Variants in SLC25A27 observed in about 807,000 individuals in gnomAD.
SLC25A27 encodes solute carrier family 25 member 27, also known as mitochondrial uncoupling protein 4.
Under a neutral mutation model 49.1 loss-of-function variants are expected in SLC25A27, and 35 were observed. That is an observed-to-expected ratio of 0.71 (90% CI 0.54 to 0.95). The LOEUF (loss-of-function observed/expected upper bound fraction) is 0.95, where lower values mean the gene tolerates loss of function less well. SLC25A27 is among the 40% of genes least tolerant of loss of function. The probability of loss-of-function intolerance (pLI) is 0.00; values close to 1 mark genes in which losing one functional copy is unlikely to be tolerated. For synonymous variants in SLC25A27, 144 were observed against 136.9 expected (o/e 1.05, Z -0.36); for missense variants, 339 against 397.1 (o/e 0.85, Z 1.24).
In SLC25A27 at chr6:46,676,571, A is replaced by T; in HGVS notation, c.*117A>T. 6.3e-7 allele frequency: 1 copy of T among 1,585,930 alleles called. No individual in the cohort carries two copies. The highest frequency in any genetic ancestry group is 8.6e-7 in the Non-Finnish European group (1 of 1,164,574). On this transcript the variant is annotated 3_prime_UTR_variant, in exon 9 of 9. Coordinates refer to ENST00000371347, the MANE Select transcript of SLC25A27 (RefSeq NM_004277.5). ...TTAGGAAGACACCTATTCCACAGAG[A>T]CTGATTTATAGGGGGCAGCACTTTA...
At chr6:46,653,397 GAGGTCGCCCCTTCC>G (rs1180982789) in intron 1 of SLC25A27, 99 bp downstream of exon 1, 1 of 1,456,660 alleles carries the variant, frequency 6.9e-7, no homozygotes, top group Non-Finnish European at 9.0e-7. Context: ...GCGCATCGGA[GAGGTCGCCCCTTCC>G]ATGCCCGCCT....
At position 46,676,235 on chromosome 6, in the gene SLC25A27, G is replaced by C. The variant is rs142422144; in HGVS notation, c.901-148G>C. Reference sequence around the variant, plus strand: ...TAAAAAATGCTTTGTAAATTATAAAGTCCTTTACAAAGGTGAAATACCAAA... The same window carrying C: ...TAAAAAATGCTTTGTAAATTATAAACTCCTTTACAAAGGTGAAATACCAAA... On this transcript the variant is annotated intron_variant, in intron 8 of 8. Coordinates refer to ENST00000371347, the MANE Select transcript of SLC25A27 (RefSeq NM_004277.5). 98 of 608,326 alleles carry C rather than the reference G, an allele frequency of 1.6e-4. No homozygotes were observed. In the East Asian group the frequency reaches 1.7e-3, roughly 10 times the overall value. The allele number at this position is 608,326 out of a possible 1,614,324, so 37.7% of individuals were successfully genotyped here.
chr6:46,668,753 ACAC>A lies in SLC25A27; in HGVS notation c.668_670del (p.Pro223del). On this transcript the variant is annotated inframe_deletion, in exon 6 of 9. Transcript: ENST00000371347. Reference sequence around the variant, plus strand: ...AGTGAAACACTACTTGGTATTGAATACACCACTTGAGGACAATATCATGACTCA... The same window carrying A: ...AGTGAAACACTACTTGGTATTGAATACACTTGAGGACAATATCATGACTCA... The A allele has an allele frequency of 6.2e-7, 1 of 1,610,544 alleles. No homozygotes were observed. The highest frequency in any genetic ancestry group is 8.5e-7 in the Non-Finnish European group (1 of 1,176,848).
rs1298047794 is a variant in SLC25A27, at chr6:46,669,905, TAGA to T, written c.705-225_705-223del. Reference sequence around the variant, plus strand: ...GGTCTTACCTGTCTTGTTCACTGCCTAGAAGAATGCTTGACACCAGCAGGTGCA... The same window carrying T: ...GGTCTTACCTGTCTTGTTCACTGCCTAGAATGCTTGACACCAGCAGGTGCA... On this transcript the variant is annotated intron_variant, in intron 6 of 8. Transcript: ENST00000371347. Among the ~76,000 whole-genome samples the T allele has an allele frequency of 1.3e-5, 2 of 152,216 alleles. 1 individual carries two copies. Among genetic ancestry groups the T allele is most frequent in the Non-Finnish European group, 2.9e-5 (2 of 68,018 alleles).
chr6:46,653,891 A>G (rs1762867491), intron 1 of SLC25A27: 2 of 973,100 alleles, frequency 2.1e-6, no homozygotes, highest in Non-Finnish European at 1.2e-6. Flanking sequence ...TATAATTCCT[A>G]CAATACCAGG....
intron 2 of SLC25A27, 51 bp from the exon 3 acceptor site, chr6:46,658,911 A>G (rs1351783132): frequency 3.4e-6 from 4 of 1,174,136 alleles, no homozygotes; most frequent in Non-Finnish European, 5.1e-6. Context: ...ATACATAAGC[A>G]TATAGATACA....
intron 3 of SLC25A27, among the ~76,000 whole-genome samples, chr6:46,661,966 T>C (rs1333928767): frequency 6.6e-6 from 1 of 152,186 alleles, no homozygotes; most frequent in African/African-American, 2.4e-5. Context: ...TAAAAGGAAA[T>C]AAAATGCTTA....
At chr6:46,662,260 T>G in intron 3 of SLC25A27, 116 bp from the exon 4 acceptor site, 1 of 868,016 alleles carries the variant, frequency 1.2e-6, no homozygotes, top group Non-Finnish European at 1.8e-6. Flanking sequence ...GGGTATATCC[T>G]TTTCTTTACT....
At chr6:46,655,096 G>C (rs1006754546) in intron 1 of SLC25A27, among the ~76,000 whole-genome samples, 6 of 152,136 alleles carry the variant, frequency 3.9e-5, no homozygotes, top group Non-Finnish European at 7.4e-5. Flanking sequence ...CCAAAATACA[G>C]TTAGTACTTG....
chr6:46,672,768 CAAACTG>C (rs1763604791), intron 8 of SLC25A27, among the ~76,000 whole-genome samples: 1 of 152,110 alleles, frequency 6.6e-6, no homozygotes, highest in Non-Finnish European at 1.5e-5. Context: ...GTCTAGATGA[CAAACTG>C]AATATATTGG....
chr6:46,656,218 T>C (rs1178871998), intron 2 of SLC25A27, among the ~76,000 whole-genome samples, 184 bp downstream of exon 2: 1 of 152,072 alleles, frequency 6.6e-6, no homozygotes, highest in African/African-American at 2.4e-5. Context: ...TCACACTCTG[T>C]CGCCCAGGCT....
intron 1 of SLC25A27, 108 bp from the exon 2 acceptor site, chr6:46,655,735 A>C: frequency 3.2e-6 from 3 of 927,896 alleles, no homozygotes; most frequent in Non-Finnish European, 4.9e-6. Flanking sequence ...GATATATTCT[A>C]AAATTTGAGA....
At chr6:46,671,079 AT>A (rs1273484428) in intron 7 of SLC25A27, 46 bp from the exon 8 acceptor site, 3 of 1,286,832 alleles carry the variant, frequency 2.3e-6, no homozygotes, top group Non-Finnish European at 3.3e-6. Flanking sequence ...GTACATATAT[AT>A]TTTTTTACAC....
rs149658222 is a variant in SLC25A27, at chr6:46,666,493, A to G, written c.619+1607A>G. ...CTAGAAATATAGCACCTAAACATCA[A>G]AGGAAGTCAATCTGTTTTCAGCTTT... On this transcript the variant is annotated intron_variant, in intron 5 of 8. Coordinates refer to ENST00000371347, the MANE Select transcript of SLC25A27 (RefSeq NM_004277.5). Among the ~76,000 whole-genome samples, 427 of 152,312 alleles carry G rather than the reference A, an allele frequency of 2.8e-3. 3 individuals carry two copies. Among genetic ancestry groups the G allele is most frequent in the African/African-American group, 9.6e-3 (401 of 41,574 alleles).
chr6:46,654,217 CA>C, intron 1 of SLC25A27: 5 of 738,654 alleles, frequency 6.8e-6, no homozygotes, highest in Non-Finnish European at 6.6e-6. Context: ...TTGCCTGTTA[CA>C]AAAAAATAAA....
Position 46,676,445 on chromosome 6 carries a change from T to C in SLC25A27, c.963T>C (p.Ser321=). The C allele has an allele frequency of 1.2e-6, 2 of 1,613,966 alleles. No individual in the cohort carries two copies. Among genetic ancestry groups the C allele is most frequent in the Non-Finnish European group, 1.7e-6 (2 of 1,179,876 alleles). Reference sequence around the variant, plus strand: ...AAATCAGAGAGATGAGTGGAGTCAGTCCATTTTAAACCCCTAAAGATGCAA... The same window carrying C: ...AAATCAGAGAGATGAGTGGAGTCAGCCCATTTTAAACCCCTAAAGATGCAA... ...YEKIREMSGV[S]PF Residue 321 remains serine, a synonymous_variant, in exon 9 of 9, where the codon AGT becomes AGC. Transcript: ENST00000371347.
At chr6:46,675,824 A>G (rs1359572373) in intron 8 of SLC25A27, among the ~76,000 whole-genome samples, 1 of 152,164 alleles carries the variant, frequency 6.6e-6, no homozygotes, top group Admixed American at 6.5e-5. Flanking sequence ...CTGAACTGGA[A>G]GGGCTTTTTT....
chr6:46,665,302 G>C (rs1763284905), intron 5 of SLC25A27, among the ~76,000 whole-genome samples: 1 of 152,058 alleles, frequency 6.6e-6, no homozygotes, highest in South Asian at 2.1e-4. Flanking sequence ...TCACACCCCA[G>C]GCTGGAAACC....
chr6:46,658,557 A>G (rs1562035394), intron 2 of SLC25A27: 1 of 435,632 alleles, frequency 2.3e-6, no homozygotes, highest in Non-Finnish European at 4.5e-6. Context: ...GGGGTAAGTA[A>G]AAACAAACAC....
Sources: gnomAD v4.1 joint callset for allele counts (sites outside exome capture counted in the v4.1 genomes callset) on GRCh38, gnomAD v4.1.1 for gene constraint, MANE v1.5 for transcripts, NCBI Gene and HGNC (gene_info 2026-07-23, HGNC 2026-07-21) for gene names.